RALGAPB: variants seen among roughly 807,000 people sequenced by gnomAD.
RALGAPB encodes the protein ral GTPase-activating protein subunit beta.
A neutral mutation model predicts 161.1 loss-of-function variants in RALGAPB; 25 were observed. The observed-to-expected ratio is 0.16, with a 90% CI of 0.11 to 0.22. The LOEUF (loss-of-function observed/expected upper bound fraction) is 0.22. Ranked by LOEUF, RALGAPB falls within the 10% of genes least tolerant of loss-of-function variation. The probability of loss-of-function intolerance (pLI) is 1.00; values close to 1 mark genes in which losing one functional copy is unlikely to be tolerated. For synonymous variants in RALGAPB, 629 were observed against 626.1 expected (o/e 1.00, Z -0.07); for missense variants, 1,391 against 1,815.2 (o/e 0.77, Z 4.25).
intron 1 of RALGAPB, among the ~76,000 whole-genome samples, chr20:38,477,685 A>G (rs922065909): frequency 1.3e-5 from 2 of 152,176 alleles, no homozygotes; most frequent in African/African-American, 4.8e-5. Flanking sequence ...CAAGAGAAAT[A>G]GGCATGTCTT....
At chr20:38,544,108 T>C (rs1288727437) in intron 18 of RALGAPB, among the ~76,000 whole-genome samples, 1 of 152,172 alleles carries the variant, frequency 6.6e-6, no homozygotes, top group Non-Finnish European at 1.5e-5. Context: ...CCTGTCACCT[T>C]TAAGACATGT....
chr20:38,564,907 T>C (rs897862947), intron 24 of RALGAPB, among the ~76,000 whole-genome samples: 1 of 150,864 alleles, frequency 6.6e-6, no homozygotes, highest in Non-Finnish European at 1.5e-5. Context: ...TTCCTCCTCC[T>C]CCTCCCTTCT....
At chr20:38,525,084 G>C in intron 11 of RALGAPB, 139 bp downstream of exon 11, 1 of 875,572 alleles carries the variant, frequency 1.1e-6, no homozygotes, top group South Asian at 1.6e-5. Context: ...AATGAGTGTA[G>C]TGTGTCCAAA....
chr20:38,546,103 C>A, intron 18 of RALGAPB, 140 bp from the exon 19 acceptor site: 4 of 1,436,848 alleles, frequency 2.8e-6, no homozygotes, highest in Non-Finnish European at 3.7e-6. Flanking sequence ...GCATTCACCA[C>A]AAGGAGTAAA....
intron 6 of RALGAPB, among the ~76,000 whole-genome samples, chr20:38,511,249 C>T (rs147913643): frequency 6.6e-5 from 10 of 150,868 alleles, no homozygotes; most frequent in African/African-American, 9.7e-5. Flanking sequence ...CAGACTCTGC[C>T]GAAGATGAGA....
At chr20:38,493,488 T>C (rs1486976690) in intron 3 of RALGAPB, among the ~76,000 whole-genome samples, 1 of 152,238 alleles carries the variant, frequency 6.6e-6, no homozygotes, top group Admixed American at 6.5e-5. Flanking sequence ...TGCATCTACC[T>C]TAATAGGCAT....
chr20:38,564,267 C>G (rs1445342240), intron 24 of RALGAPB, among the ~76,000 whole-genome samples: 1 of 152,208 alleles, frequency 6.6e-6, no homozygotes, highest in African/African-American at 2.4e-5. Flanking sequence ...CGGTCACACT[C>G]TAGATTATAC....
At chr20:38,513,943 G>C (rs1484121512) in intron 6 of RALGAPB, among the ~76,000 whole-genome samples, 3 of 152,132 alleles carry the variant, frequency 2.0e-5, no homozygotes, top group African/African-American at 7.2e-5. Flanking sequence ...TCAAAGTTTT[G>C]TGTTCCTTAA....
chr20:38,521,419 T>A, intron 9 of RALGAPB, 78 bp from the exon 10 acceptor site: 1 of 1,580,222 alleles, frequency 6.3e-7, no homozygotes, highest in South Asian at 1.2e-5. Context: ...ACACCAATAT[T>A]TGATCTTTGT....
At chr20:38,505,524 A>G (rs1489087122) in intron 5 of RALGAPB, among the ~76,000 whole-genome samples, 2 of 152,204 alleles carry the variant, frequency 1.3e-5, no homozygotes, top group African/African-American at 4.8e-5. Flanking sequence ...TAACCTGCAC[A>G]TGTACCTCCT....
Position 38,574,152 on chromosome 20 carries a change from C to G in RALGAPB, c.4145C>G (p.Ser1382Cys). 1.9e-6 allele frequency: 3 copies of G among 1,606,066 alleles called. No homozygotes were observed. The highest frequency in any genetic ancestry group is 2.5e-6 in the Non-Finnish European group (3 of 1,177,154). ...TTANSSTSLR[S>C]TTLEKEVPVI... ...GATAACAATTTTCTTTTCTTAAGAT[C>G]TACAACTCTTGAAAAAGAAGTTCCT... The change falls in exon 29 of 30, where the codon TCT (serine) becomes TGT (cysteine). Residue 1382 changes from serine (S) to cysteine (C), a missense_variant and splice_region_variant. Transcript: ENST00000262879.
At chr20:38,524,680 A>T (rs574355404) in intron 10 of RALGAPB, 98 bp from the exon 11 acceptor site, 1 of 884,444 alleles carries the variant, frequency 1.1e-6, no homozygotes, top group South Asian at 1.6e-5. Flanking sequence ...AAAAATAGTG[A>T]TGAGTGGAAA....
At chr20:38,498,069 C>CAAAAA (rs11481813) in intron 4 of RALGAPB, among the ~76,000 whole-genome samples, 1 of 123,834 alleles carries the variant, frequency 8.1e-6, no homozygotes, top group African/African-American at 3.2e-5. Context: ...GACTCTGTCT[C>CAAAAA]AAAAAAAAAA....
Position 38,553,865 on chromosome 20 carries a change from A to C in RALGAPB, c.3163-2A>C, listed in dbSNP as rs1478257583. ...AAAAATGAAATATTTGGTTTATTAC[A>C]GTTAGAAGAGAGACACGAAAAATTA... On this transcript the variant is annotated splice_acceptor_variant, in intron 21 of 29. Coordinates refer to ENST00000262879, the MANE Select transcript of RALGAPB (RefSeq NM_020336.4). LOFTEE classifies it high-confidence loss of function. The C allele has an allele frequency of 6.3e-7, 1 of 1,599,564 alleles. No individual in the cohort carries two copies. Among genetic ancestry groups the C allele is most frequent in the Non-Finnish European group, 8.6e-7 (1 of 1,167,944 alleles).
intron 24 of RALGAPB, among the ~76,000 whole-genome samples, chr20:38,562,941 G>A (rs1450027147): frequency 6.6e-6 from 1 of 152,094 alleles, no homozygotes; most frequent in African/African-American, 2.4e-5. Flanking sequence ...TAGGCTTGAG[G>A]GCCATGTATT....
At position 38,501,049 on chromosome 20, in the gene RALGAPB, G is replaced by A. The variant is rs578199169; in HGVS notation, c.740+1416G>A. ...GTGAAAGTGCAAGCTGAAGCAGCAA[G>A]TGTGATGGAGAAGCTGCAGCAAGTG... On this transcript the variant is annotated intron_variant, in intron 5 of 29. Transcript: ENST00000262879. Among the ~76,000 whole-genome samples, 218 of 152,326 alleles carry A rather than the reference G, an allele frequency of 1.4e-3. 5 individuals carry two copies. Among genetic ancestry groups the A allele is most frequent in the Non-Finnish European group, 4.6e-4 (31 of 68,028 alleles).
intron 15 of RALGAPB, among the ~76,000 whole-genome samples, chr20:38,533,908 G>T (rs1159024556): frequency 6.6e-6 from 1 of 151,864 alleles, no homozygotes; most frequent in Non-Finnish European, 1.5e-5. Context: ...GGAGGCCAAG[G>T]TGGGCGGATC....
At chr20:38,549,503 A>C (rs1179952058) in intron 20 of RALGAPB, among the ~76,000 whole-genome samples, 1 of 150,864 alleles carries the variant, frequency 6.6e-6, no homozygotes, top group East Asian at 1.9e-4. Flanking sequence ...TGTTAGGATT[A>C]CAGATGTGAG....
rs1160497466 is a variant in RALGAPB at position 38,568,038 on chromosome 20, G to T, written c.3954+806G>T. 2.0e-5 allele frequency among the ~76,000 whole-genome samples: 3 copies of T among 152,286 alleles called. No homozygotes were observed. The East Asian group carries it at 5.8e-4, about 29-fold the overall frequency. On this transcript the variant is annotated intron_variant, in intron 26 of 29. Coordinates refer to ENST00000262879, the MANE Select transcript of RALGAPB (RefSeq NM_020336.4). ...AGTTTAGAGATGATCAGTCAGTATT[G>T]CATAGCAATGCAAGATTTTAGCCAA... is the stretch of plus-strand genomic sequence containing the variant.
Sources: allele counts gnomAD v4.1 joint callset (sites outside exome capture counted in the v4.1 genomes callset), GRCh38; gene constraint gnomAD v4.1.1; transcripts MANE v1.5; gene names NCBI Gene and HGNC (gene_info 2026-07-23, HGNC 2026-07-21).